SAMD12: variants seen among roughly 807,000 people sequenced by gnomAD.
SAMD12 encodes the protein sterile alpha motif domain-containing protein 12.
A neutral mutation model predicts 15.0 loss-of-function variants in SAMD12; 9 were observed. The observed-to-expected ratio is 0.60, with a 90% CI of 0.36 to 1.05. SAMD12 has a LOEUF of 1.05. SAMD12 is among the 50% of genes least tolerant of loss of function. The probability of loss-of-function intolerance (pLI) is 0.01; values close to 1 mark genes in which losing one functional copy is unlikely to be tolerated. For synonymous variants in SAMD12, 86 were observed against 90.1 expected, an observed-to-expected ratio of 0.96 and a Z score of 0.25; for missense variants, 230 against 234.2, an observed-to-expected ratio of 0.98 and a Z score of 0.12.
At chr8:118,520,702 T>A (rs1287373608) in intron 2 of SAMD12, among the ~76,000 whole-genome samples, 1 of 152,226 alleles carries the variant, frequency 6.6e-6, no homozygotes, top group Non-Finnish European at 1.5e-5. Context: ...ATCAATAAGA[T>A]GTCTACAGAC....
At chr8:118,279,030 G>T (rs1335771595) in intron 4 of SAMD12, among the ~76,000 whole-genome samples, 7 of 152,084 alleles carry the variant, frequency 4.6e-5, no homozygotes, top group Admixed American at 4.6e-4. Context: ...AAATGAAATG[G>T]GTGTGTTTAT....
intron 4 of SAMD12, among the ~76,000 whole-genome samples, chr8:118,280,421 G>A (rs1813591520): frequency 6.6e-6 from 1 of 152,150 alleles, no homozygotes; most frequent in African/African-American, 2.4e-5. Flanking sequence ...AAGCTTGAGT[G>A]TGAGATAGAA....
At chr8:118,400,648 T>C (rs1287892054) in intron 3 of SAMD12, 1 of 152,244 alleles carries the variant, frequency 6.6e-6, no homozygotes, top group African/African-American at 2.4e-5. Flanking sequence ...GAAGTCAGCT[T>C]GCTTTTTACA....
chr8:118,204,384 G>A (rs1251189506), intron 4 of SAMD12, among the ~76,000 whole-genome samples: 1 of 152,106 alleles, frequency 6.6e-6, no homozygotes, highest in African/African-American at 2.4e-5. Context: ...GAAGAGAAGC[G>A]GGATCGGGAG....
chr8:118,398,912 C>A (rs902120802), intron 3 of SAMD12, among the ~76,000 whole-genome samples: 2 of 152,120 alleles, frequency 1.3e-5, no homozygotes, highest in African/African-American at 4.8e-5. Context: ...GAGACAGGGT[C>A]TCACTCTGTC....
chr8:118,431,348 T>A (rs975357455), intron 3 of SAMD12, among the ~76,000 whole-genome samples: 26 of 152,244 alleles, frequency 1.7e-4, no homozygotes, highest in African/African-American at 6.3e-4. Context: ...CCTTTCTTTC[T>A]GTTGATTCAA....
intron 4 of SAMD12, among the ~76,000 whole-genome samples, chr8:118,287,122 ATTT>A (rs202200197): frequency 4.5e-5 from 6 of 132,790 alleles, no homozygotes; most frequent in Non-Finnish European, 4.7e-5. Flanking sequence ...AAGGAAGAAT[ATTT>A]TTTTTTTTTT....
the SAMD12 span, among the ~76,000 whole-genome samples, chr8:118,145,484 C>T: frequency 1.3e-5 from 2 of 152,160 alleles, no homozygotes; most frequent in African/African-American, 4.8e-5. Context: ...TGAGATCCTA[C>T]TGTGTGTTGT....
chr8:118,317,926 T>C (rs1030685505), intron 4 of SAMD12, among the ~76,000 whole-genome samples: 3 of 152,126 alleles, frequency 2.0e-5, no homozygotes, highest in African/African-American at 7.2e-5. Flanking sequence ...GATGTACCAA[T>C]GGACAACAAA....
intron 4 of SAMD12, among the ~76,000 whole-genome samples, chr8:118,261,783 G>A (rs1813083441): frequency 6.6e-6 from 1 of 151,950 alleles, no homozygotes; most frequent in African/African-American, 2.4e-5. Context: ...AATACTGCAA[G>A]GTAGGTAATA....
chr8:118,268,535 C>A (rs1214175326), intron 4 of SAMD12, among the ~76,000 whole-genome samples: 1 of 152,134 alleles, frequency 6.6e-6, no homozygotes, highest in Non-Finnish European at 1.5e-5. Context: ...TAATTCAGGG[C>A]CTGGCGTGGT....
chr8:118,383,514 C>A (rs1819780519), intron 3 of SAMD12, among the ~76,000 whole-genome samples: 1 of 152,140 alleles, frequency 6.6e-6, no homozygotes, highest in Non-Finnish European at 1.5e-5. Context: ...AGACAGACAA[C>A]AGGAGCACCG....
chr8:118,337,946 A>G (rs1282663776), intron 4 of SAMD12, among the ~76,000 whole-genome samples: 1 of 152,242 alleles, frequency 6.6e-6, no homozygotes, highest in East Asian at 1.9e-4. Flanking sequence ...GAAGAAACAA[A>G]AAGAAATTAA....
chr8:118,557,946 A>G (rs1554585648), intron 2 of SAMD12, among the ~76,000 whole-genome samples: 1 of 152,186 alleles, frequency 6.6e-6, no homozygotes, highest in Non-Finnish European at 1.5e-5. Flanking sequence ...TTTGAGTCAG[A>G]TAACTCTAGT....
chr8:118,518,193 T>TG lies in SAMD12; in HGVS notation c.192+62521dup, dbSNP rs1478293766. Reference sequence around the variant, plus strand: ...TAAGTCATATGCCTACCACTGTAGATGGGGGGCACTTGACTGCAACAAAAT... The same window carrying TG: ...TAAGTCATATGCCTACCACTGTAGATGGGGGGGCACTTGACTGCAACAAAAT... On this transcript the variant is annotated intron_variant, in intron 2 of 3. Transcript: ENST00000314727. Among the ~76,000 whole-genome samples, 6 of 152,118 alleles carry TG rather than the reference T, an allele frequency of 3.9e-5. No homozygotes were observed. In the East Asian group the frequency reaches 1.2e-3, roughly 29 times the overall value.
chr8:118,345,461 G>A (rs920972887), intron 4 of SAMD12, among the ~76,000 whole-genome samples: 4 of 152,324 alleles, frequency 2.6e-5, no homozygotes, highest in Non-Finnish European at 4.4e-5. Flanking sequence ...AGAATGCACA[G>A]GTCTGGAAAG....
At chr8:118,175,034 C>CAAAAAAAA in the SAMD12 span, among the ~76,000 whole-genome samples, 1 of 78,808 alleles carries the variant, frequency 1.3e-5, no homozygotes, top group African/African-American at 3.7e-5. Context: ...CAAAAAAAAA[C>CAAAAAAAA]AAAAAAAAAA....
At chr8:118,298,243 T>C (rs571843965) in intron 4 of SAMD12, among the ~76,000 whole-genome samples, 7 of 152,364 alleles carry the variant, frequency 4.6e-5, no homozygotes, top group African/African-American at 1.7e-4. Context: ...TGCTCAAAAA[T>C]GCACTTCTTA....
intron 4 of SAMD12, among the ~76,000 whole-genome samples, chr8:118,310,930 T>C (rs373691348): frequency 6.6e-6 from 1 of 152,222 alleles, no homozygotes; most frequent in Non-Finnish European, 1.5e-5. Context: ...ATCCTCTGTA[T>C]CTTGAATGGC....
Sources: gnomAD v4.1 joint callset for allele counts (sites outside exome capture counted in the v4.1 genomes callset) on GRCh38, gnomAD v4.1.1 for gene constraint, MANE v1.5 for transcripts, NCBI Gene and HGNC (gene_info 2026-07-23, HGNC 2026-07-21) for gene names.